The following PDE1A variants were observed in gnomAD, a reference collection of about 807,000 sequenced individuals.
The protein encoded by PDE1A is phosphodiesterase 1A.
PDE1A carries 35 observed loss-of-function variants against 61.7 expected under a neutral mutation model. That is an observed-to-expected ratio of 0.57 (90% CI 0.43 to 0.75). The LOEUF (loss-of-function observed/expected upper bound fraction) is 0.75. PDE1A is among the 30% of genes least tolerant of loss of function. The pLI is 0.00. For missense variants in PDE1A, 597 were observed against 630.6 expected (o/e 0.95, Z 0.57); for synonymous variants, 232 against 213.2 (o/e 1.09, Z -0.77).
At chr2:182,680,607 A>G in the PDE1A span, among the ~76,000 whole-genome samples, 3 of 152,214 alleles carry the variant, frequency 2.0e-5, no homozygotes, top group African/African-American at 7.2e-5. Context: ...TATGTAGGAA[A>G]GATTGCAGCT....
At chr2:182,290,260 T>C (rs923303507) in intron 1 of PDE1A, among the ~76,000 whole-genome samples, 2 of 152,126 alleles carry the variant, frequency 1.3e-5, no homozygotes, top group African/African-American at 4.8e-5. Context: ...GAAAAGTATA[T>C]TGAGTATGCA....
chr2:182,625,652 A>G, the PDE1A span, among the ~76,000 whole-genome samples: 1 of 152,202 alleles, frequency 6.6e-6, no homozygotes, highest in African/African-American at 2.4e-5. Flanking sequence ...TTCAGGTTTC[A>G]TGTGGGAATA....
chr2:182,681,327 A>C, the PDE1A span, among the ~76,000 whole-genome samples: 1,139 of 151,444 alleles, frequency 7.5e-3, 7 homozygotes, highest in African/African-American at 0.025. Flanking sequence ...TATTTTAGAG[A>C]GAGAGAGTCT....
chr2:182,203,877 T>C (rs1284691521), intron 8 of PDE1A, among the ~76,000 whole-genome samples: 1 of 151,960 alleles, frequency 6.6e-6, no homozygotes, highest in Non-Finnish European at 1.5e-5. Flanking sequence ...ATAGGTATTT[T>C]ATAGATTTTT....
At chr2:182,430,985 T>C (rs1274512416), upstream of PDE1A, among the ~76,000 whole-genome samples, 2 of 135,172 alleles carry the variant, frequency 1.5e-5, no homozygotes, top group Non-Finnish European at 3.2e-5. Context: ...AGGGATAGCA[T>C]TGGGAGATAT....
chr2:182,710,748 T>G, the PDE1A span, among the ~76,000 whole-genome samples: 112 of 152,360 alleles, frequency 7.4e-4, no homozygotes, highest in Admixed American at 1.7e-3. Flanking sequence ...TCTTTATCTA[T>G]TCATCTGTCA....
At chr2:182,291,009 T>C (rs924410417) in intron 1 of PDE1A, among the ~76,000 whole-genome samples, 3 of 152,122 alleles carry the variant, frequency 2.0e-5, no homozygotes, top group African/African-American at 7.2e-5. Context: ...TAACTCATCA[T>C]GTACAGTTAT....
intron 1 of PDE1A, among the ~76,000 whole-genome samples, chr2:182,360,629 A>G (rs1034035876): frequency 6.6e-6 from 1 of 151,388 alleles, no homozygotes; most frequent in African/African-American, 2.4e-5. Flanking sequence ...CTGCAAAAAT[A>G]TTCTTATTTT....
Position 182,476,357 on chromosome 2 carries a change from G to A in PDE1A, c.101+45919C>T, listed in dbSNP as rs186256517. ...AATACAAAAATTAGCCAGGTGTGGTGGTACATGCCTGTAATCCTAGCTACT... is the reference window on the plus strand; with the variant it reads ...AATACAAAAATTAGCCAGGTGTGGTAGTACATGCCTGTAATCCTAGCTACT... On this transcript the variant is annotated intron_variant, in intron 2 of 14. Coordinates refer to the PDE1A transcript ENST00000410103. 1.4e-4 allele frequency among the ~76,000 whole-genome samples: 21 copies of A among 151,932 alleles called. No individual in the cohort carries two copies. The East Asian group carries it at 3.7e-3, about 27-fold the overall frequency.
chr2:182,140,930 T>C (rs779528951), exon 15 of PDE1A: 4 of 150,848 alleles, frequency 2.7e-5, no homozygotes, highest in Non-Finnish European at 1.5e-5. Context: ...TGACAATACT[T>C]CTGAAGGAGT....
intron 1 of PDE1A, among the ~76,000 whole-genome samples, chr2:182,271,793 C>G (rs2125818947): frequency 6.6e-6 from 1 of 152,116 alleles, no homozygotes; most frequent in East Asian, 1.9e-4. Flanking sequence ...GCATTAACTC[C>G]TGGTAGATTA....
At chr2:182,187,985 T>C (rs6433960) in intron 11 of PDE1A, among the ~76,000 whole-genome samples, 112,608 of 151,584 alleles carry the variant, frequency 0.74, 41,976 homozygotes, top group East Asian at 0.91. Flanking sequence ...ACCCGAGATC[T>C]ACCTGCCTCG....
At chr2:182,280,785 A>G (rs1284371877) in intron 1 of PDE1A, among the ~76,000 whole-genome samples, 2 of 151,902 alleles carry the variant, frequency 1.3e-5, no homozygotes, top group African/African-American at 4.8e-5. Flanking sequence ...AAAAAAATCA[A>G]TACATGTGAC....
At chr2:182,704,231 A>AAC in the PDE1A span, among the ~76,000 whole-genome samples, 3 of 151,574 alleles carry the variant, frequency 2.0e-5, no homozygotes, top group Admixed American at 6.6e-5. Context: ...AAAAACAAAA[A>AAC]AAAAAAACTC....
At chr2:182,198,587 GT>G (rs1686337276) in intron 10 of PDE1A, among the ~76,000 whole-genome samples, 1 of 151,604 alleles carries the variant, frequency 6.6e-6, no homozygotes, top group Non-Finnish European at 1.5e-5. Context: ...TATCTATAGG[GT>G]TGATAATTAA....
At chr2:182,231,271 T>C (rs907907658) in intron 4 of PDE1A, 140 bp from the exon 5 acceptor site, 23 of 637,746 alleles carry the variant, frequency 3.6e-5, no homozygotes, top group Middle Eastern at 4.2e-4. Context: ...CAGAGTTTCA[T>C]AGGACAGGAC....
chr2:182,203,213 G>A (rs1049112883), intron 8 of PDE1A, among the ~76,000 whole-genome samples: 5 of 152,172 alleles, frequency 3.3e-5, no homozygotes, highest in Admixed American at 2.0e-4. Flanking sequence ...CCAGCTACTC[G>A]GGAGGCTGAG....
rs3063250 is a variant in PDE1A at position 182,238,266 on chromosome 2, CAAAAAA to C, written c.350+1838_350+1843del. 1.1e-3 allele frequency among the ~76,000 whole-genome samples: 112 copies of C among 98,062 alleles called. 2 individuals are homozygous for C. The Middle Eastern group carries it at 0.015, about 13-fold the overall frequency. 64.3% of individuals were successfully genotyped at this position (98,062 alleles called of 152,430 possible). A position where few individuals can be genotyped will look rare whatever the true frequency, so the allele number is the denominator to read the frequency against. ...CCTGGGTGACAGAGCCAGACTACGT[CAAAAAA>C]AAAAAAAAAAGAAAAAGAAAAAGAA... On this transcript the variant is annotated intron_variant, in intron 3 of 13. Coordinates refer to ENST00000351439, the Ensembl canonical transcript of PDE1A.
chr2:182,385,629 GA>G (rs1451058383), intron 1 of PDE1A, among the ~76,000 whole-genome samples: 8 of 86,508 alleles, frequency 9.2e-5, no homozygotes, highest in Admixed American at 2.5e-4. Context: ...CAGAAAGAAA[GA>G]AAGAAAGAAG....
Sources: allele counts gnomAD v4.1 joint callset (sites outside exome capture counted in the v4.1 genomes callset), GRCh38; gene constraint gnomAD v4.1.1; transcripts MANE v1.5; gene names NCBI Gene and HGNC (gene_info 2026-07-23, HGNC 2026-07-21).